ATAD2B: variants seen among roughly 807,000 people sequenced by gnomAD.
The protein encoded by ATAD2B is ATPase family AAA domain containing 2B, also known as ATPase family AAA domain-containing protein 2B.
ATAD2B carries 40 observed loss-of-function variants against 167.6 expected under a neutral mutation model. The observed-to-expected ratio is 0.24, with a 90% CI of 0.19 to 0.31. The LOEUF is 0.31. Ranked by LOEUF, ATAD2B falls within the 10% of genes least tolerant of loss-of-function variation. ATAD2B has a pLI of 1.00. For synonymous variants in ATAD2B, 579 were observed against 596.5 expected (o/e 0.97, Z 0.43); for missense variants, 1,242 against 1,757.2 (o/e 0.71, Z 5.24).
intron 2 of ATAD2B, among the ~76,000 whole-genome samples, chr2:23,891,163 G>A (rs1279883955): frequency 6.6e-6 from 1 of 151,794 alleles, no homozygotes; most frequent in Non-Finnish European, 1.5e-5. Flanking sequence ...TGGGATTACA[G>A]GCACCCGCCA....
chr2:23,695,257 C>T, the ATAD2B span, among the ~76,000 whole-genome samples: 72 of 152,284 alleles, frequency 4.7e-4, no homozygotes, highest in Non-Finnish European at 7.4e-5. The surrounding 1 kb of genome is among the most constrained non-coding windows in gnomAD (Gnocchi z 7.6). Flanking sequence ...CTTTAATAAT[C>T]GCGTCTTCCT....
the ATAD2B span, among the ~76,000 whole-genome samples, chr2:23,680,140 G>A: frequency 6.6e-6 from 1 of 152,180 alleles, no homozygotes; most frequent in African/African-American, 2.4e-5. The surrounding 1 kb of genome is among the most constrained non-coding windows in gnomAD (Gnocchi z 4.1). Context: ...GGCTGTTGCA[G>A]TGACTCAAGT....
chr2:23,827,631 G>C (rs1688453225), intron 15 of ATAD2B, among the ~76,000 whole-genome samples: 1 of 152,132 alleles, frequency 6.6e-6, no homozygotes, highest in Non-Finnish European at 1.5e-5. Flanking sequence ...TTTTCAAAAA[G>C]GGAAAAGACT....
At chr2:23,723,772 G>C in the ATAD2B span, among the ~76,000 whole-genome samples, 1 of 152,116 alleles carries the variant, frequency 6.6e-6, no homozygotes, top group African/African-American at 2.4e-5. Context: ...GGAATTTACC[G>C]AAGGAAAGGA....
the ATAD2B span, among the ~76,000 whole-genome samples, chr2:23,736,738 G>A: frequency 6.6e-6 from 1 of 152,186 alleles, no homozygotes; most frequent in Non-Finnish European, 1.5e-5. Flanking sequence ...CCGAAGCAGG[G>A]TGAGACACCA....
intron 8 of ATAD2B, among the ~76,000 whole-genome samples, chr2:23,872,028 C>A (rs1420470169): frequency 6.6e-6 from 1 of 152,130 alleles, no homozygotes; most frequent in African/African-American, 2.4e-5. Flanking sequence ...CAGGTGCACA[C>A]CAACACGCCC....
At chr2:23,801,982 G>T (rs1206630903) in intron 18 of ATAD2B, among the ~76,000 whole-genome samples, 1 of 151,880 alleles carries the variant, frequency 6.6e-6, no homozygotes, top group Non-Finnish European at 1.5e-5. Flanking sequence ...ATTTCCTTTA[G>T]AAATTGAAAA....
chr2:23,822,412 G>A (rs923400666), intron 16 of ATAD2B, among the ~76,000 whole-genome samples: 2 of 152,080 alleles, frequency 1.3e-5, no homozygotes, highest in Admixed American at 1.3e-4. Flanking sequence ...GGGCGTGGCG[G>A]CACACGCCTG....
the ATAD2B span, among the ~76,000 whole-genome samples, chr2:23,698,881 G>A: frequency 6.6e-6 from 1 of 152,176 alleles, no homozygotes; most frequent in Non-Finnish European, 1.5e-5. Flanking sequence ...CATTTGGTGC[G>A]ATGTGCCATC....
chr2:23,770,366 G>A (rs1167677483), intron 22 of ATAD2B, among the ~76,000 whole-genome samples: 1 of 151,618 alleles, frequency 6.6e-6, no homozygotes, highest in East Asian at 1.9e-4. Context: ...ATGAGGATGA[G>A]TATCTTTTCA....
At chr2:23,721,872 C>A in the ATAD2B span, among the ~76,000 whole-genome samples, 2 of 152,228 alleles carry the variant, frequency 1.3e-5, no homozygotes, top group Non-Finnish European at 2.9e-5. Flanking sequence ...ACCATGTGCA[C>A]ACACACACAC....
chr2:23,895,671 C>T (rs1700066347), intron 2 of ATAD2B, 148 bp downstream of exon 2: 1 of 506,100 alleles, frequency 2.0e-6, no homozygotes, highest in Admixed American at 4.1e-5. Context: ...AACTTACATA[C>T]AAAAATTATA....
intron 19 of ATAD2B, among the ~76,000 whole-genome samples, chr2:23,792,792 C>T (rs1165301307): frequency 6.6e-6 from 1 of 151,468 alleles, no homozygotes; most frequent in Non-Finnish European, 1.5e-5. Context: ...GAAATCCCTT[C>T]TCTACTAAAA....
At chr2:23,762,885 G>C (rs1238879682) in intron 23 of ATAD2B, among the ~76,000 whole-genome samples, 2 of 152,096 alleles carry the variant, frequency 1.3e-5, no homozygotes, top group African/African-American at 4.8e-5. Flanking sequence ...TTTTTCTCCA[G>C]GTTCTCTCTG....
chr2:23,888,380 C>T lies in ATAD2B; in HGVS notation c.388G>A (p.Ala130Thr). Residue 130 changes from alanine to threonine, a missense_variant, in exon 3 of 28, where the codon GCT becomes ACT. Transcript: ENST00000238789. ...CCACTATGTCCATTTGGTAATGTAGCACCAGGCTGAGAAGTTAACCTAGAA... is the reference window on the plus strand; with the variant it reads ...CCACTATGTCCATTTGGTAATGTAGTACCAGGCTGAGAAGTTAACCTAGAA... The part of the protein sequence containing the change: ...GQARLTSQPG[A>T]TLPNGHSGLS... 2 of 1,592,970 alleles carry T rather than the reference C, an allele frequency of 1.3e-6. No individual in the cohort carries two copies. Among genetic ancestry groups the T allele is most frequent in the Non-Finnish European group, 1.7e-6 (2 of 1,170,456 alleles).
At chr2:23,853,681 T>G (rs947169495) in intron 13 of ATAD2B, among the ~76,000 whole-genome samples, 1 of 152,208 alleles carries the variant, frequency 6.6e-6, no homozygotes, top group Non-Finnish European at 1.5e-5. Context: ...AACAGTCTTT[T>G]CTAAAGAAAC....
intron 1 of ATAD2B, among the ~76,000 whole-genome samples, chr2:23,911,351 T>C (rs1230448030): frequency 6.6e-6 from 1 of 151,940 alleles, no homozygotes; most frequent in East Asian, 1.9e-4. Context: ...GCCCAGGAGT[T>C]TGAAACCAGC....
chr2:23,703,735 C>A, the ATAD2B span: 1 of 1,536,754 alleles, frequency 6.5e-7, no homozygotes, highest in Non-Finnish European at 8.7e-7. Flanking sequence ...AGTATGCCCC[C>A]GCTGTCACGC....
At chr2:23,776,131 A>C (rs1679091007) in intron 22 of ATAD2B, among the ~76,000 whole-genome samples, 1 of 152,158 alleles carries the variant, frequency 6.6e-6, no homozygotes, top group Non-Finnish European at 1.5e-5. Context: ...AAATAAATAA[A>C]TAAATAAAGT....
Sources: allele counts gnomAD v4.1 joint callset (sites outside exome capture counted in the v4.1 genomes callset), GRCh38; gene constraint gnomAD v4.1.1; non-coding constraint Gnocchi (gnomAD v3.1); transcripts MANE v1.5; gene names NCBI Gene and HGNC (gene_info 2026-07-23, HGNC 2026-07-21).